Variants in CHL1 observed in about 807,000 individuals in gnomAD.
The protein encoded by CHL1 is neural cell adhesion molecule L1-like protein.
In CHL1, 96 loss-of-function variants were observed where a neutral mutation model predicts 141.9. The ratio of observed to expected loss-of-function variants is 0.68; its 90% CI spans 0.57 to 0.80. The LOEUF (loss-of-function observed/expected upper bound fraction) is 0.80, where lower values mean the gene tolerates loss of function less well. CHL1 is among the 30% of genes least tolerant of loss of function. The pLI is 0.00. For synonymous variants in CHL1, 613 were observed against 502.2 expected, an observed-to-expected ratio of 1.22 and a Z score of -2.95; for missense variants, 1,820 against 1,457.2, an observed-to-expected ratio of 1.25 and a Z score of -4.05.
intron 2 of CHL1, among the ~76,000 whole-genome samples, chr3:250,766 A>T (rs9818160): frequency 0.066 from 10,069 of 152,156 alleles, 363 homozygotes; most frequent in African/African-American, 0.097. Flanking sequence ...TATGCTTTGT[A>T]TATTTTATGA....
chr3:389,616 A>C, intron 20 of CHL1, 142 bp downstream of exon 20: 1 of 644,518 alleles, frequency 1.6e-6, no homozygotes, highest in Non-Finnish European at 2.7e-6. Flanking sequence ...CAAATATAAC[A>C]CATGACTTCT....
rs1047285001 is a variant in CHL1 at position 221,264 on chromosome 3, G to A, written c.-174-23349G>A. Among the ~76,000 whole-genome samples the A allele has an allele frequency of 6.6e-5, 10 of 152,306 alleles. 1 individual carries two copies. The highest frequency in any genetic ancestry group is 1.3e-4 in the Admixed American group (2 of 15,304). ...GCTGTGTCATGGGCCATGGTCACTCGTGTGGCTCGGAATAAATCTCATCAA... is the reference window on the plus strand; with the variant it reads ...GCTGTGTCATGGGCCATGGTCACTCATGTGGCTCGGAATAAATCTCATCAA... On this transcript the variant is annotated intron_variant, in intron 1 of 27. Transcript: ENST00000256509.
chr3:214,467 T>C (rs535325691), intron 1 of CHL1, among the ~76,000 whole-genome samples: 17 of 152,346 alleles, frequency 1.1e-4, no homozygotes, highest in African/African-American at 3.8e-4. Context: ...ATTTCCTACA[T>C]TTTTTAAGAG....
chr3:397,298 G>A (rs1054120716), intron 24 of CHL1, among the ~76,000 whole-genome samples: 5 of 151,762 alleles, frequency 3.3e-5, no homozygotes, highest in Admixed American at 6.6e-5. Flanking sequence ...TTTCTCTCAT[G>A]GTGTCATTTT....
chr3:322,671 AT>A (rs1575065555), intron 3 of CHL1, among the ~76,000 whole-genome samples: 4 of 124,828 alleles, frequency 3.2e-5, no homozygotes, highest in African/African-American at 9.8e-5. Flanking sequence ...TATATATATA[AT>A]TATATATATA....
intron 26 of CHL1, among the ~76,000 whole-genome samples, chr3:399,907 C>T (rs1456429552): frequency 1.3e-5 from 2 of 152,168 alleles, no homozygotes; most frequent in South Asian, 2.1e-4. Flanking sequence ...GAATGCATTT[C>T]TTATTACCAT....
intron 2 of CHL1, among the ~76,000 whole-genome samples, chr3:299,453 A>G (rs1698512974): frequency 1.3e-5 from 2 of 152,142 alleles, no homozygotes; most frequent in African/African-American, 4.8e-5. Flanking sequence ...AAATGCTGGA[A>G]AATTAGGTTT....
chr3:378,022 A>G, intron 16 of CHL1, 80 bp downstream of exon 16: 4 of 1,306,914 alleles, frequency 3.1e-6, no homozygotes, highest in Non-Finnish European at 4.1e-6. Context: ...AATAAAGCTA[A>G]TGATTCTTTG....
chr3:314,329 G>GTGTGTATATATATATA (rs1455318071), intron 2 of CHL1, among the ~76,000 whole-genome samples: 3 of 65,344 alleles, frequency 4.6e-5, no homozygotes, highest in African/African-American at 1.1e-4. Context: ...CTCTCTATGT[G>GTGTGTATATATATATA]TATATATATA....
chr3:328,015 G>C (rs954259949), intron 4 of CHL1, 152 bp from the exon 5 acceptor site: 6 of 436,468 alleles, frequency 1.4e-5, no homozygotes, highest in Non-Finnish European at 1.6e-5. Context: ...AGATTCTTCT[G>C]AGACCCTTAT....
At chr3:381,975 T>C (rs1249519109) in intron 16 of CHL1, among the ~76,000 whole-genome samples, 1 of 149,016 alleles carries the variant, frequency 6.7e-6, no homozygotes, top group Admixed American at 6.9e-5. Context: ...GTTGTTTATT[T>C]ACTTCTTAGG....
chr3:264,003 C>T (rs1166627492), intron 2 of CHL1, among the ~76,000 whole-genome samples: 1 of 152,216 alleles, frequency 6.6e-6, no homozygotes, highest in African/African-American at 2.4e-5. Flanking sequence ...TGATGGACTG[C>T]ACTATCACAG....
Position 344,759 on chromosome 3 carries a change from GA to G in CHL1, c.848+52del, listed in dbSNP as rs773483148. On this transcript the variant is annotated intron_variant, in intron 9 of 27. Coordinates refer to ENST00000256509, the MANE Select transcript of CHL1 (RefSeq NM_006614.4). The stretch of plus-strand genomic sequence containing the variant: ...GACTTTGTCCATCCAGTTCTGTAAA[GA>G]ATAAGACATCAAGCACATTAAGACT... 2.5e-6 allele frequency: 4 copies of G among 1,577,136 alleles called. No homozygotes were observed. In the South Asian group the frequency reaches 4.6e-5, roughly 18 times the overall value.
intron 5 of CHL1, among the ~76,000 whole-genome samples, chr3:336,886 C>T (rs2125120096): frequency 6.6e-6 from 1 of 152,218 alleles, no homozygotes; most frequent in South Asian, 2.1e-4. Flanking sequence ...TAATAAGACT[C>T]CTGTGCAGCT....
intron 19 of CHL1, chr3:385,804 G>C (rs191595983): frequency 1.4e-5 from 2 of 140,030 alleles, no homozygotes; most frequent in Admixed American, 7.6e-5. Context: ...CTCCAGCCTG[G>C]GTGACAGAGC....
At chr3:220,162 G>T (rs1395467269) in intron 1 of CHL1, among the ~76,000 whole-genome samples, 1 of 152,144 alleles carries the variant, frequency 6.6e-6, no homozygotes, top group Non-Finnish European at 1.5e-5. Context: ...GGGGAGGGTG[G>T]TTGACGACTG....
At chr3:232,179 G>A (rs750541329) in intron 1 of CHL1, among the ~76,000 whole-genome samples, 28 of 152,080 alleles carry the variant, frequency 1.8e-4, no homozygotes, top group Non-Finnish European at 3.8e-4. Flanking sequence ...AGGAGGCACC[G>A]GAGAATCATG....
chr3:243,571 A>G (rs1268178871), intron 1 of CHL1, among the ~76,000 whole-genome samples: 2 of 152,186 alleles, frequency 1.3e-5, no homozygotes, highest in Non-Finnish European at 2.9e-5. Context: ...TATACTTGCC[A>G]GGGTGGAATT....
intron 2 of CHL1, among the ~76,000 whole-genome samples, chr3:256,742 G>A (rs1342760805): frequency 6.6e-6 from 1 of 152,206 alleles, no homozygotes; most frequent in Non-Finnish European, 1.5e-5. Context: ...ACGAGGGGAG[G>A]ATTCATATGT....
Sources: gnomAD v4.1 joint callset for allele counts (sites outside exome capture counted in the v4.1 genomes callset) on GRCh38, gnomAD v4.1.1 for gene constraint, MANE v1.5 for transcripts, NCBI Gene and HGNC (gene_info 2026-07-23, HGNC 2026-07-21) for gene names.